FBLN2: variants seen among roughly 807,000 people sequenced by gnomAD.
FBLN2 encodes fibulin 2.
A neutral mutation model predicts 123.7 loss-of-function variants in FBLN2; 81 were observed. The observed-to-expected ratio is 0.65, with a 90% CI of 0.55 to 0.79. The LOEUF is 0.79. Among genes scored for constraint, FBLN2 ranks in the 30% least tolerant of loss-of-function variants. The probability of loss-of-function intolerance (pLI) is 0.00; values close to 1 mark genes in which losing one functional copy is unlikely to be tolerated. For synonymous variants in FBLN2, 699 were observed against 701.4 expected (o/e 1.00, Z 0.05); for missense variants, 1,603 against 1,681.3 (o/e 0.95, Z 0.81).
intron 1 of FBLN2, among the ~76,000 whole-genome samples, chr3:13,563,080 A>G (rs1180796989): frequency 6.6e-6 from 1 of 152,232 alleles, no homozygotes; most frequent in Non-Finnish European, 1.5e-5. Flanking sequence ...ATAACACTGT[A>G]GTGAACTTGG....
chr3:13,573,437 C>A (rs950032735), intron 2 of FBLN2, among the ~76,000 whole-genome samples: 3 of 152,180 alleles, frequency 2.0e-5, no homozygotes, highest in Non-Finnish European at 4.4e-5. Context: ...CACCACTTCA[C>A]TCCTCAGCTC....
chr3:13,625,155 C>A (rs1559425065), intron 9 of FBLN2, among the ~76,000 whole-genome samples: 1 of 150,090 alleles, frequency 6.7e-6, no homozygotes, highest in East Asian at 2.0e-4. Flanking sequence ...TTGGTGGCCT[C>A]TGTGGCCCTG....
intron 1 of FBLN2, among the ~76,000 whole-genome samples, chr3:13,553,554 C>T (rs185944896): frequency 6.6e-5 from 10 of 152,338 alleles, no homozygotes; most frequent in Non-Finnish European, 1.2e-4. Context: ...CAGGGCCCCT[C>T]GTGGGTCAAG....
intron 9 of FBLN2, among the ~76,000 whole-genome samples, chr3:13,623,246 C>T (rs557035476): frequency 6.6e-6 from 1 of 152,320 alleles, no homozygotes; most frequent in South Asian, 2.1e-4. Context: ...GCGGATCCCA[C>T]CAGGGCCCAC....
chr3:13,572,804 G>A (rs988286660), intron 2 of FBLN2, among the ~76,000 whole-genome samples: 2 of 152,236 alleles, frequency 1.3e-5, no homozygotes, highest in Non-Finnish European at 2.9e-5. Flanking sequence ...CAGCCCCCAC[G>A]AGGCTGACCC....
chr3:13,621,821 G>A lies in FBLN2; in HGVS notation c.2202G>A (p.Gln734=), dbSNP rs1438136606. The part of the protein sequence containing the change: ...LMGAHDCSRR[Q]FCVNTLGSFY... The stretch of plus-strand genomic sequence containing the variant: ...GTGCTCACGATTGTAGCCGGCGACA[G>A]TTCTGTGTGAACACCCTGGGATCCT... Residue 734 remains glutamine (Q), a synonymous_variant, in exon 9 of 18, where the codon CAG becomes CAA. Transcript: ENST00000404922. 6.2e-7 allele frequency: 1 copy of A among 1,613,932 alleles called. No individual in the cohort carries two copies. The highest frequency in any genetic ancestry group is 8.5e-7 in the Non-Finnish European group (1 of 1,179,898).
At chr3:13,555,989 C>G (rs1002949597) in intron 1 of FBLN2, among the ~76,000 whole-genome samples, 1 of 152,192 alleles carries the variant, frequency 6.6e-6, no homozygotes, top group Non-Finnish European at 1.5e-5. Context: ...CCTCACATCT[C>G]CTGGGGCTGC....
In FBLN2 at chr3:13,570,454, C is replaced by T. The variant is rs1256301413; in HGVS notation, c.99C>T (p.Cys33=). 1.9e-6 allele frequency: 3 copies of T among 1,572,936 alleles called. No individual in the cohort carries two copies. The highest frequency in any genetic ancestry group is 1.7e-6 in the Non-Finnish European group (2 of 1,160,600). ...SVAAAAPRQD[C]TGVECPPLEN... is the part of the protein sequence containing the mutation. ...CCGCAGCTGCCCCTCGGCAGGACTG[C>T]ACGGGCGTGGAGTGCCCGCCGCTGG... The change falls in exon 2 of 18, where the codon TGC becomes TGT. Residue 33 remains cysteine, a synonymous_variant. Transcript: ENST00000404922.
intron 2 of FBLN2, among the ~76,000 whole-genome samples, chr3:13,572,197 G>T (rs1703984842): frequency 6.6e-6 from 1 of 152,238 alleles, no homozygotes; most frequent in Admixed American, 6.5e-5. Context: ...ATGTGTTGTA[G>T]AAAGAAGTGA....
chr3:13,552,225 T>TG (rs34165279), intron 1 of FBLN2, among the ~76,000 whole-genome samples: 121,244 of 151,836 alleles, frequency 0.8, 48,978 homozygotes, highest in East Asian at 1. Context: ...AGGGCAGCTG[T>TG]GGGGATCCAT....
intron 6 of FBLN2, 63 bp downstream of exon 6, chr3:13,618,348 C>T (rs1245707784): frequency 2.0e-6 from 3 of 1,518,626 alleles, no homozygotes; most frequent in Non-Finnish European, 2.7e-6. Flanking sequence ...GGGGGTGTGG[C>T]ATTCCTGGGG....
At chr3:13,608,228 C>T in intron 3 of FBLN2, 55 bp downstream of exon 3, 1 of 1,349,676 alleles carries the variant, frequency 7.4e-7, no homozygotes, top group Middle Eastern at 2.0e-4. Flanking sequence ...CTCCAGAACC[C>T]TGCTTGCCTA....
At chr3:13,588,398 A>G (rs1465413837) in intron 2 of FBLN2, among the ~76,000 whole-genome samples, 2 of 152,222 alleles carry the variant, frequency 1.3e-5, no homozygotes, top group Non-Finnish European at 2.9e-5. Context: ...TAAGTGACGC[A>G]TGATTGTGTG....
chr3:13,637,966 C>T lies in FBLN2; in HGVS notation c.*47C>T. 1 of 1,485,160 alleles carries T rather than the reference C, an allele frequency of 6.7e-7. No individual in the cohort carries two copies. Among genetic ancestry groups the T allele is most frequent in the Non-Finnish European group, 9.1e-7 (1 of 1,093,538 alleles). 92.0% of individuals were successfully genotyped at this position (1,485,160 alleles called of 1,614,324 possible). ...CGGGTGTGGCGCAGCCCAGGGCTCA[C>T]ACTGCGTGGGAGGGACTGGGTCACT... is the stretch of plus-strand genomic sequence containing the variant. On this transcript the variant is annotated 3_prime_UTR_variant, in exon 18 of 18. Coordinates refer to ENST00000404922, the MANE Select transcript of FBLN2 (RefSeq NM_001004019.2).
intron 10 of FBLN2, among the ~76,000 whole-genome samples, chr3:13,627,442 G>C (rs1217585668): frequency 1.3e-5 from 2 of 152,190 alleles, no homozygotes; most frequent in Non-Finnish European, 2.9e-5. Context: ...GGCTAACAAA[G>C]CAGGCTTGGG....
At chr3:13,555,863 G>A (rs746601610) in intron 1 of FBLN2, among the ~76,000 whole-genome samples, 23 of 152,220 alleles carry the variant, frequency 1.5e-4, no homozygotes, top group Non-Finnish European at 2.8e-4. Context: ...GGGATTCGCG[G>A]GGACATTTCC....
chr3:13,611,995 AAGGGACCT>A (rs1412771117), intron 4 of FBLN2, among the ~76,000 whole-genome samples: 1 of 152,202 alleles, frequency 6.6e-6, no homozygotes, highest in Non-Finnish European at 1.5e-5. Flanking sequence ...AACCTTCCAG[AAGGGACCT>A]CATCCTGACT....
chr3:13,618,479 C>T (rs528670784), intron 6 of FBLN2, among the ~76,000 whole-genome samples, 194 bp downstream of exon 6: 2 of 152,314 alleles, frequency 1.3e-5, no homozygotes, highest in Admixed American at 6.5e-5. Flanking sequence ...TCCTGGGGCT[C>T]CATCTGCAGG....
At chr3:13,610,028 G>A (rs1705338227) in intron 4 of FBLN2, among the ~76,000 whole-genome samples, 1 of 152,192 alleles carries the variant, frequency 6.6e-6, no homozygotes, top group African/African-American at 2.4e-5. Context: ...CTTAAGGAGA[G>A]GTGGGATAAG....
Sources: allele counts gnomAD v4.1 joint callset (sites outside exome capture counted in the v4.1 genomes callset), GRCh38; gene constraint gnomAD v4.1.1; transcripts MANE v1.5; gene names NCBI Gene and HGNC (gene_info 2026-07-23, HGNC 2026-07-21).